The following CAMTA1 variants were observed in gnomAD, a reference collection of about 807,000 sequenced individuals.
CAMTA1 encodes the protein calmodulin-binding transcription activator 1.
In CAMTA1, 27 loss-of-function variants were observed where a neutral mutation model predicts 170.9. The observed-to-expected ratio is 0.16, with a 90% confidence interval of 0.12 to 0.22. The LOEUF (loss-of-function observed/expected upper bound fraction) is 0.22. Among genes scored for constraint, CAMTA1 ranks in the 10% least tolerant of loss-of-function variants. The pLI is 1.00. For synonymous variants in CAMTA1, 833 were observed against 891.5 expected (o/e 0.93, Z 1.17); for missense variants, 1,619 against 2,217.2 (o/e 0.73, Z 5.42).
intron 4 of CAMTA1, among the ~76,000 whole-genome samples, chr1:7,192,796 T>A (rs1654789471): frequency 6.6e-6 from 1 of 152,104 alleles, no homozygotes; most frequent in Non-Finnish European, 1.5e-5. Flanking sequence ...AGGGTTAGGA[T>A]CTGAACCCAG....
intron 10 of CAMTA1, among the ~76,000 whole-genome samples, chr1:7,676,555 C>T (rs1394953721): frequency 1.3e-5 from 2 of 152,234 alleles, no homozygotes; most frequent in Admixed American, 6.5e-5. Flanking sequence ...CTGGCTTGGA[C>T]GGCTTCCTCG....
rs543017742 is a variant in CAMTA1 at position 7,074,158 on chromosome 1, G to T, written c.235-17146G>T. ...GGTTGGAAGTCAATCACAAGTTTGG[G>T]TAAATTCCCCATTTTGGCAGTTGTG... On this transcript the variant is annotated intron_variant, in intron 3 of 22. Coordinates refer to ENST00000303635, the MANE Select transcript of CAMTA1 (RefSeq NM_015215.4). 3.9e-5 allele frequency among the ~76,000 whole-genome samples: 6 copies of T among 152,250 alleles called. No homozygotes were observed. The East Asian group carries it at 1.2e-3, about 29-fold the overall frequency.
chr1:7,075,295 T>C (rs1214731528), intron 3 of CAMTA1, among the ~76,000 whole-genome samples: 1 of 152,216 alleles, frequency 6.6e-6, no homozygotes, highest in Non-Finnish European at 1.5e-5. Context: ...GTTCATGTTA[T>C]AACCCAGAAC....
chr1:6,845,365 G>C (rs998984208), intron 3 of CAMTA1, among the ~76,000 whole-genome samples: 16 of 152,132 alleles, frequency 1.1e-4, no homozygotes, highest in African/African-American at 3.9e-4. Flanking sequence ...AACTACCTCG[G>C]CCCTCAGGAA....
chr1:7,348,449 C>T (rs561429310), intron 5 of CAMTA1, among the ~76,000 whole-genome samples: 2 of 152,302 alleles, frequency 1.3e-5, no homozygotes, highest in Non-Finnish European at 2.9e-5. Flanking sequence ...GTGGGGCCCA[C>T]TCGTGGTCCA....
intron 6 of CAMTA1, among the ~76,000 whole-genome samples, chr1:7,469,107 G>T (rs1000454487): frequency 1.3e-5 from 2 of 152,224 alleles, no homozygotes; most frequent in Non-Finnish European, 2.9e-5. Flanking sequence ...TGTTCAGCAA[G>T]TTCAAATGAT....
intron 5 of CAMTA1, among the ~76,000 whole-genome samples, chr1:7,464,985 G>A (rs1005408863): frequency 6.6e-6 from 1 of 152,162 alleles, no homozygotes; most frequent in African/African-American, 2.4e-5. Flanking sequence ...CACTTGGACA[G>A]CAAAGCGCGA....
chr1:7,623,131 C>A (rs974858060), intron 6 of CAMTA1, among the ~76,000 whole-genome samples: 2 of 152,226 alleles, frequency 1.3e-5, no homozygotes, highest in South Asian at 4.1e-4. Context: ...CCATCCAGAA[C>A]CACCTTATTC....
intron 6 of CAMTA1, among the ~76,000 whole-genome samples, chr1:7,497,998 T>C (rs1191949948): frequency 6.6e-6 from 1 of 151,360 alleles, no homozygotes; most frequent in African/African-American, 2.4e-5. Flanking sequence ...CCTGTGGGAG[T>C]CTCTCCTTGG....
intron 5 of CAMTA1, among the ~76,000 whole-genome samples, chr1:7,326,344 C>T (rs975380346): frequency 4.6e-5 from 7 of 152,216 alleles, no homozygotes; most frequent in African/African-American, 1.2e-4. Flanking sequence ...TAAATGTGTA[C>T]GTCATCAGCA....
chr1:7,757,157 T>C (rs1221244738), intron 22 of CAMTA1, among the ~76,000 whole-genome samples: 1 of 152,218 alleles, frequency 6.6e-6, no homozygotes, highest in Non-Finnish European at 1.5e-5. Context: ...ACTAGACTTA[T>C]GTTGGTGCTA....
At chr1:7,660,240 G>T (rs1236453779) in intron 7 of CAMTA1, among the ~76,000 whole-genome samples, 1 of 152,180 alleles carries the variant, frequency 6.6e-6, no homozygotes, top group Admixed American at 6.5e-5. Context: ...AGCTAATTTT[G>T]TATTTTTGGT....
rs2096872310 is a variant in CAMTA1 at position 7,748,353 on chromosome 1, C to T, written c.4689+572C>T. ...GCTGAGGCCGGAGGATCTTCTTGAA[C>T]CCAGGTGTTGATGTCCAGCTTGGAC... is the stretch of plus-strand genomic sequence containing the variant. On this transcript the variant is annotated intron_variant, in intron 19 of 22. Transcript: ENST00000303635. The surrounding 1 kb of genome is among the most constrained non-coding windows in gnomAD (Gnocchi z 4.7). Among the ~76,000 whole-genome samples, 1 of 152,154 alleles carries T rather than the reference C, an allele frequency of 6.6e-6. No individual in the cohort carries two copies. Among genetic ancestry groups the T allele is most frequent in the Admixed American group, 6.5e-5 (1 of 15,272 alleles).
At chr1:7,513,228 G>A (rs72863085) in intron 6 of CAMTA1, among the ~76,000 whole-genome samples, 843 of 152,246 alleles carry the variant, frequency 5.5e-3, no homozygotes, top group African/African-American at 0.019. Flanking sequence ...TCAAGCCACC[G>A]GCCTGCCAGA....
At chr1:7,756,772 T>G (rs1481336496) in intron 22 of CAMTA1, among the ~76,000 whole-genome samples, 2 of 151,966 alleles carry the variant, frequency 1.3e-5, no homozygotes. Context: ...CATGTAAGCC[T>G]GGGAGGTTGA....
chr1:7,128,401 G>A (rs1222385195), intron 4 of CAMTA1, among the ~76,000 whole-genome samples: 1 of 152,278 alleles, frequency 6.6e-6, no homozygotes, highest in African/African-American at 2.4e-5. Flanking sequence ...GTGACATTTA[G>A]CTAACACCTT....
intron 4 of CAMTA1, among the ~76,000 whole-genome samples, chr1:7,222,338 C>A (rs1328124085): frequency 6.6e-6 from 1 of 152,216 alleles, no homozygotes; most frequent in African/African-American, 2.4e-5. Context: ...CGTCTTCTGT[C>A]TCAATGCACC....
intron 3 of CAMTA1, among the ~76,000 whole-genome samples, chr1:6,836,605 A>G (rs755208856): frequency 1.3e-5 from 2 of 152,076 alleles, no homozygotes; most frequent in Non-Finnish European, 2.9e-5. Context: ...GTGTGTGTGC[A>G]TGTGCGCGTA....
chr1:6,800,259 T>C (rs559484400), intron 1 of CAMTA1, among the ~76,000 whole-genome samples: 2 of 152,012 alleles, frequency 1.3e-5, no homozygotes, highest in Non-Finnish European at 1.5e-5. Flanking sequence ...TAGAAAAAAT[T>C]AGCCAGATGT....
Sources: gnomAD v4.1 joint callset for allele counts (sites outside exome capture counted in the v4.1 genomes callset) on GRCh38, gnomAD v4.1.1 for gene constraint, Gnocchi (gnomAD v3.1) non-coding constraint, MANE v1.5 for transcripts, NCBI Gene and HGNC (gene_info 2026-07-23, HGNC 2026-07-21) for gene names.